Variants in IGFBP7 observed in about 807,000 individuals in gnomAD.
IGFBP7 encodes insulin-like growth factor-binding protein 7.
IGFBP7 carries 31 observed loss-of-function variants against 29.4 expected under a neutral mutation model. The observed-to-expected ratio is 1.05, with a 90% CI of 0.79 to 1.42. The LOEUF (loss-of-function observed/expected upper bound fraction) is 1.42, where lower values mean the gene tolerates loss of function less well. Ranked by LOEUF, IGFBP7 falls within the 40% of genes most tolerant of loss-of-function variation. The pLI is 0.00. For synonymous variants in IGFBP7, 172 were observed against 174.9 expected, an observed-to-expected ratio of 0.98 and a Z score of 0.13; for missense variants, 393 against 395.5, an observed-to-expected ratio of 0.99 and a Z score of 0.05.
At chr4:57,063,900 C>T (rs1724855125) in intron 1 of IGFBP7, among the ~76,000 whole-genome samples, 1 of 152,168 alleles carries the variant, frequency 6.6e-6, no homozygotes, top group African/African-American at 2.4e-5. Flanking sequence ...CATTTAAAAA[C>T]TTAGATAAAA....
intron 1 of IGFBP7, among the ~76,000 whole-genome samples, chr4:57,044,120 G>C (rs1475797877): frequency 1.3e-5 from 2 of 152,188 alleles, no homozygotes; most frequent in African/African-American, 4.8e-5. Flanking sequence ...AACCACACAA[G>C]GAATGCAAGA....
At chr4:57,048,394 T>C (rs552937924) in intron 1 of IGFBP7, among the ~76,000 whole-genome samples, 226 of 152,340 alleles carry the variant, frequency 1.5e-3, no homozygotes, top group African/African-American at 5.2e-3. Flanking sequence ...ACTCACAGAC[T>C]ACCAGATTAT....
At chr4:57,033,432 A>G in intron 2 of IGFBP7, 121 bp from the exon 3 acceptor site, 1 of 763,418 alleles carries the variant, frequency 1.3e-6, no homozygotes, top group South Asian at 1.4e-5. Context: ...TAAACCCAGC[A>G]TTTCACTGAA....
At chr4:57,059,900 G>A (rs1187796214) in intron 1 of IGFBP7, among the ~76,000 whole-genome samples, 1 of 152,154 alleles carries the variant, frequency 6.6e-6, no homozygotes, top group South Asian at 2.1e-4. Context: ...TATGGAAAAT[G>A]GTTTAAAAGG....
At chr4:57,077,036 G>A (rs1005645607) in intron 1 of IGFBP7, among the ~76,000 whole-genome samples, 4 of 151,982 alleles carry the variant, frequency 2.6e-5, no homozygotes, top group African/African-American at 9.7e-5. Context: ...AACCTCACTA[G>A]TACTGAAACA....
chr4:57,051,603 G>GGCTT (rs1255307471), intron 1 of IGFBP7, among the ~76,000 whole-genome samples: 16 of 152,178 alleles, frequency 1.1e-4, no homozygotes, highest in African/African-American at 3.9e-4. Context: ...GTGTTGGGGA[G>GGCTT]GCTTAGCGCA....
intron 2 of IGFBP7, 49 bp downstream of exon 2, chr4:57,040,775 A>T: frequency 7.9e-7 from 1 of 1,273,458 alleles, no homozygotes; most frequent in Non-Finnish European, 1.1e-6. Context: ...TGTGCAGTGC[A>T]AGAGAAGCTT....
intron 1 of IGFBP7, among the ~76,000 whole-genome samples, chr4:57,050,245 GTTT>G (rs10547708): frequency 0.096 from 13,204 of 137,056 alleles, 682 homozygotes; most frequent in African/African-American, 0.15. Context: ...TTTTATTTAA[GTTT>G]TTTTTTTTTT....
chr4:57,050,998 G>A (rs1241597873), intron 1 of IGFBP7, among the ~76,000 whole-genome samples: 7 of 152,076 alleles, frequency 4.6e-5, no homozygotes, highest in African/African-American at 1.7e-4. Context: ...CCAAATAAGG[G>A]GAAAATCAGG....
Position 57,072,323 on chromosome 4 carries a change from C to T in IGFBP7, c.476-31390G>A, listed in dbSNP as rs141434455. 4.0e-3 allele frequency among the ~76,000 whole-genome samples: 604 copies of T among 152,118 alleles called. 1 individual carries two copies. Among genetic ancestry groups the T allele is most frequent in the African/African-American group, 0.013 (550 of 41,496 alleles). ...TCCATTCATGTTCCCACAAAAGACA[C>T]GATCTCATTCTTTTTTATGGCTGCA... On this transcript the variant is annotated intron_variant, in intron 1 of 4. Transcript: ENST00000295666.
At chr4:57,052,440 C>T (rs1724527702) in intron 1 of IGFBP7, among the ~76,000 whole-genome samples, 1 of 152,136 alleles carries the variant, frequency 6.6e-6, no homozygotes, top group Non-Finnish European at 1.5e-5. Context: ...GTGGGGAGAC[C>T]AGAAGTGCCA....
intron 1 of IGFBP7, among the ~76,000 whole-genome samples, chr4:57,053,161 C>A (rs1226627006): frequency 6.6e-6 from 1 of 152,022 alleles, no homozygotes; most frequent in African/African-American, 2.4e-5. Flanking sequence ...ATACTACAGG[C>A]ACACACCATC....
chr4:57,047,436 C>T (rs534284441), intron 1 of IGFBP7, among the ~76,000 whole-genome samples: 1 of 151,918 alleles, frequency 6.6e-6, no homozygotes, highest in East Asian at 1.9e-4. Flanking sequence ...TAAGAACAGT[C>T]TAATACAGAG....
At chr4:57,057,288 G>A (rs1252381568) in intron 1 of IGFBP7, among the ~76,000 whole-genome samples, 2 of 152,234 alleles carry the variant, frequency 1.3e-5, no homozygotes, top group Non-Finnish European at 2.9e-5. Flanking sequence ...GGGATTACAT[G>A]TGTGAGCCAG....
rs75161514 is a variant in IGFBP7 at position 57,054,639 on chromosome 4, C to CAAAAAAAAAA, written c.476-13716_476-13707dup. Among the ~76,000 whole-genome samples the CAAAAAAAAAA allele has an allele frequency of 9.8e-3, 267 of 27,176 alleles. 1 individual carries two copies. The highest frequency in any genetic ancestry group is 0.015 in the Non-Finnish European group (189 of 12,276). 17.8% of individuals were successfully genotyped at this position (27,176 alleles called of 152,430 possible). ...GGCGACAGAGCGAGGCTCTCTCTCA[C>CAAAAAAAAAA]AAAAAAAAAAAAAAAAAAAAAAAAA... On this transcript the variant is annotated intron_variant, in intron 1 of 4. Coordinates refer to ENST00000295666, the MANE Select transcript of IGFBP7 (RefSeq NM_001553.3).
intron 1 of IGFBP7, among the ~76,000 whole-genome samples, chr4:57,074,163 C>T (rs1047780829): frequency 4.6e-5 from 7 of 152,130 alleles, no homozygotes; most frequent in South Asian, 2.1e-4. Context: ...CAAGTTCAAG[C>T]GATTCTCCTG....
intron 1 of IGFBP7, among the ~76,000 whole-genome samples, chr4:57,052,680 A>C (rs934177219): frequency 2.0e-5 from 3 of 152,088 alleles, no homozygotes; most frequent in Non-Finnish European, 2.9e-5. Flanking sequence ...CAGTCCATCT[A>C]AGAGCAGACC....
intron 1 of IGFBP7, among the ~76,000 whole-genome samples, chr4:57,076,990 A>T (rs1560502788): frequency 6.6e-6 from 1 of 152,196 alleles, no homozygotes; most frequent in African/African-American, 2.4e-5. Flanking sequence ...CCAAAGGAAA[A>T]TTTTTTATGA....
intron 1 of IGFBP7, among the ~76,000 whole-genome samples, chr4:57,076,790 A>C (rs1725237900): frequency 6.6e-6 from 1 of 152,232 alleles, no homozygotes; most frequent in African/African-American, 2.4e-5. Context: ...GGAAGCACTA[A>C]GATCAAAGAA....
Sources: gnomAD v4.1 joint callset for allele counts (sites outside exome capture counted in the v4.1 genomes callset) on GRCh38, gnomAD v4.1.1 for gene constraint, MANE v1.5 for transcripts, NCBI Gene and HGNC (gene_info 2026-07-23, HGNC 2026-07-21) for gene names.